SEMA3A: variants seen among roughly 807,000 people sequenced by gnomAD.
The protein encoded by SEMA3A is semaphorin 3A, also known as semaphorin-3A.
SEMA3A carries 29 observed loss-of-function variants against 97.9 expected under a neutral mutation model. The ratio of observed to expected loss-of-function variants is 0.30; its 90% CI spans 0.22 to 0.40. SEMA3A has a LOEUF of 0.40. Ranked by LOEUF, SEMA3A falls within the 10% of genes least tolerant of loss-of-function variation. The pLI is 1.00. For missense variants in SEMA3A, 763 were observed against 951.3 expected (o/e 0.80, Z 2.60); for synonymous variants, 321 against 323.7 (o/e 0.99, Z 0.09).
At chr7:84,005,850 G>A (rs1424672336) in intron 10 of SEMA3A, among the ~76,000 whole-genome samples, 1 of 152,142 alleles carries the variant, frequency 6.6e-6, no homozygotes, top group African/African-American at 2.4e-5. Flanking sequence ...TTGGGAGGCT[G>A]AGGTAGGAGA....
intron 15 of SEMA3A, among the ~76,000 whole-genome samples, chr7:83,968,496 G>C (rs1351961296): frequency 6.6e-6 from 1 of 152,086 alleles, no homozygotes; most frequent in Admixed American, 6.6e-5. Flanking sequence ...GTGAACAACA[G>C]ATTCTTTTAT....
intron 1 of SEMA3A, among the ~76,000 whole-genome samples, chr7:84,432,618 T>C (rs1473107710): frequency 6.6e-6 from 1 of 152,138 alleles, no homozygotes; most frequent in East Asian, 1.9e-4. Flanking sequence ...AGCACCCACT[T>C]ATAAGCCAGA....
chr7:84,114,478 C>T (rs1290980729), intron 3 of SEMA3A, among the ~76,000 whole-genome samples: 1 of 152,044 alleles, frequency 6.6e-6, no homozygotes, highest in African/African-American at 2.4e-5. Flanking sequence ...GCTTCTATCC[C>T]ATCGATAGTT....
intron 1 of SEMA3A, among the ~76,000 whole-genome samples, chr7:84,442,341 G>C (rs1390650122): frequency 6.6e-6 from 1 of 152,060 alleles, no homozygotes; most frequent in African/African-American, 2.4e-5. Context: ...ATGGGGAGAA[G>C]CCTCTTAAAT....
intron 5 of SEMA3A, among the ~76,000 whole-genome samples, chr7:84,047,698 A>C (rs1489012920): frequency 6.6e-6 from 1 of 152,092 alleles, no homozygotes; most frequent in Non-Finnish European, 1.5e-5. Flanking sequence ...AGTATATCTT[A>C]ATATTATCTT....
intron 3 of SEMA3A, among the ~76,000 whole-genome samples, chr7:84,241,437 CT>C (rs1799362855): frequency 6.6e-6 from 1 of 152,108 alleles, no homozygotes; most frequent in African/African-American, 2.4e-5. Flanking sequence ...CCTTGGCTCA[CT>C]TTTTGATGGA....
chr7:84,338,283 C>T (rs1802084995), intron 2 of SEMA3A, among the ~76,000 whole-genome samples: 2 of 151,596 alleles, frequency 1.3e-5, no homozygotes, highest in South Asian at 4.2e-4. Context: ...GAAAAAGAAA[C>T]CCATTAAGAT....
intron 1 of SEMA3A, among the ~76,000 whole-genome samples, chr7:84,377,667 A>G (rs1803138870): frequency 6.6e-6 from 1 of 152,186 alleles, no homozygotes; most frequent in Non-Finnish European, 1.5e-5. Flanking sequence ...AGGTTGTACA[A>G]TATTAAGTGG....
rs568128735 is a variant in SEMA3A at position 84,054,623 on chromosome 7, T to G, written c.547+5842A>C. On this transcript the variant is annotated intron_variant, in intron 5 of 16. Coordinates refer to ENST00000265362, the MANE Select transcript of SEMA3A (RefSeq NM_006080.3). ...CATTCTTCTAAATTTTTTGCAAAGT[T>G]TTCAACTTCTTTGCCTTTGGTTTGA... Among the ~76,000 whole-genome samples the G allele has an allele frequency of 4.1e-3, 561 of 136,920 alleles. 5 individuals carry two copies. Among genetic ancestry groups the G allele is most frequent in the African/African-American group, 0.014 (517 of 37,408 alleles). 89.8% of individuals were successfully genotyped at this position (136,920 alleles called of 152,430 possible). A position where few individuals can be genotyped will look rare whatever the true frequency, so the allele number is the denominator to read the frequency against.
intron 3 of SEMA3A, among the ~76,000 whole-genome samples, chr7:84,281,786 G>A (rs1800445492): frequency 6.6e-6 from 1 of 152,048 alleles, no homozygotes; most frequent in South Asian, 2.1e-4. Context: ...GCTATAAAAT[G>A]GGGGAAAATG....
intron 2 of SEMA3A, among the ~76,000 whole-genome samples, chr7:84,331,844 A>G (rs113108131): frequency 0.013 from 2,017 of 152,268 alleles, 47 homozygotes; most frequent in African/African-American, 0.046. Context: ...AATGGAAGGC[A>G]GGAAAGTCCA....
chr7:84,250,307 T>C (rs906798344), intron 3 of SEMA3A, among the ~76,000 whole-genome samples: 1 of 152,028 alleles, frequency 6.6e-6, no homozygotes, highest in East Asian at 1.9e-4. Flanking sequence ...AAAAAAAAAG[T>C]AACATTTAAC....
intron 1 of SEMA3A, among the ~76,000 whole-genome samples, chr7:84,192,648 G>A (rs1798084039): frequency 1.3e-5 from 2 of 151,832 alleles, no homozygotes; most frequent in Admixed American, 1.3e-4. Context: ...TGTACAGAAA[G>A]AACAAGTGCC....
chr7:84,016,921 A>G (rs796895033), intron 6 of SEMA3A, among the ~76,000 whole-genome samples: 2 of 152,344 alleles, frequency 1.3e-5, no homozygotes, highest in African/African-American at 4.8e-5. Flanking sequence ...TACTGGAACA[A>G]TGGAGGGAGA....
intron 11 of SEMA3A, among the ~76,000 whole-genome samples, chr7:84,003,729 T>C (rs1421747973): frequency 6.6e-6 from 1 of 152,172 alleles, no homozygotes; most frequent in Non-Finnish European, 1.5e-5. Context: ...TGAACAAACT[T>C]AATTCCTCTG....
chr7:84,026,183 C>G (rs566812700), intron 6 of SEMA3A, among the ~76,000 whole-genome samples: 2 of 152,240 alleles, frequency 1.3e-5, no homozygotes, highest in South Asian at 4.2e-4. Flanking sequence ...ATAAAGTCAT[C>G]ACGAACATCA....
At chr7:84,284,468 A>G (rs767907788) in intron 3 of SEMA3A, among the ~76,000 whole-genome samples, 2 of 152,186 alleles carry the variant, frequency 1.3e-5, no homozygotes, top group Non-Finnish European at 2.9e-5. Context: ...AGTTAACAGT[A>G]TTACCATCAT....
intron 12 of SEMA3A, among the ~76,000 whole-genome samples, chr7:83,991,086 G>T (rs1473498899): frequency 2.0e-5 from 3 of 149,702 alleles, no homozygotes; most frequent in Non-Finnish European, 4.5e-5. Context: ...AAGCAATTGT[G>T]AATGGGAGTT....
At chr7:84,018,499 A>G (rs950798185) in intron 6 of SEMA3A, among the ~76,000 whole-genome samples, 7 of 152,314 alleles carry the variant, frequency 4.6e-5, no homozygotes, top group Non-Finnish European at 7.4e-5. Flanking sequence ...AAACTGAACA[A>G]CTGTTAAACT....
Sources: allele counts gnomAD v4.1 joint callset (sites outside exome capture counted in the v4.1 genomes callset), GRCh38; gene constraint gnomAD v4.1.1; transcripts MANE v1.5; gene names NCBI Gene and HGNC (gene_info 2026-07-23, HGNC 2026-07-21).